ASB18: variants seen among roughly 807,000 people sequenced by gnomAD.
The protein encoded by ASB18 is ankyrin repeat and SOCS box protein 18.
A neutral mutation model predicts 33.4 loss-of-function variants in ASB18; 33 were observed. The observed-to-expected ratio is 0.99, with a 90% confidence interval of 0.75 to 1.32. The LOEUF is 1.32. Ranked by LOEUF, ASB18 falls within the 40% of genes most tolerant of loss-of-function variation. ASB18 has a pLI of 0.00. For synonymous variants in ASB18, 295 were observed against 307.6 expected, an observed-to-expected ratio of 0.96 and a Z score of 0.43; for missense variants, 694 against 655.5, an observed-to-expected ratio of 1.06 and a Z score of -0.64.
chr2:236,255,846 G>A lies in ASB18; in HGVS notation c.205+8295C>T, dbSNP rs751119034. Among the ~76,000 whole-genome samples the A allele has an allele frequency of 8.6e-5, 13 of 151,944 alleles. No homozygotes were observed. The highest frequency in any genetic ancestry group is 1.9e-4 in the African/African-American group (8 of 41,354). ...GTTGTGTCCCACTTCCCTGTCCCAC[G>A]TGCCATGCCTTGGGTGCACTACGTT... On this transcript the variant is annotated intron_variant, in intron 1 of 5. Transcript: ENST00000409749. The surrounding 1 kb of genome is among the most constrained non-coding windows in gnomAD (Gnocchi z 4.4).
chr2:236,249,629 A>T lies in ASB18; in HGVS notation c.206-8227T>A, dbSNP rs1191710325. ...GATTCTGATGAATATAATTTTCTCC[A>T]AGCCAGTACATTTAGTATTTTTAGT... On this transcript the variant is annotated intron_variant, in intron 1 of 5. Transcript: ENST00000409749. The surrounding 1 kb of genome is among the most constrained non-coding windows in gnomAD (Gnocchi z 4.6). The T allele has an allele frequency of 6.6e-6, 1 of 152,160 alleles. No individual in the cohort carries two copies. The highest frequency in any genetic ancestry group is 1.5e-5 in the Non-Finnish European group (1 of 68,036). The allele number at this position is 152,160 out of a possible 1,614,324, so 9.4% of individuals were successfully genotyped here.
rs1412871061 is a variant in ASB18, at chr2:236,239,955, GC to G, written c.328+1324del. On this transcript the variant is annotated intron_variant, in intron 2 of 5. Coordinates refer to ENST00000409749, the MANE Select transcript of ASB18 (RefSeq NM_212556.4). The surrounding 1 kb of genome is among the most constrained non-coding windows in gnomAD (Gnocchi z 5.6). ...TGGGCCACTACTCACTGTCCGGGCT[GC>G]CGTTTCCTCAGTACCAGCCCACATC... Among the ~76,000 whole-genome samples, 3 of 152,190 alleles carry G rather than the reference GC, an allele frequency of 2.0e-5. No individual in the cohort carries two copies. The highest frequency in any genetic ancestry group is 2.9e-5 in the Non-Finnish European group (2 of 68,040).
At chr2:236,199,395 G>C (rs2060388236) in intron 4 of ASB18, among the ~76,000 whole-genome samples, 1 of 144,364 alleles carries the variant, frequency 6.9e-6, no homozygotes, top group African/African-American at 2.7e-5. Flanking sequence ...CTGGGTGACA[G>C]GGTGAGACTC....
At position 236,256,805 on chromosome 2, in the gene ASB18, C is replaced by T. The variant is rs1307772377; in HGVS notation, c.205+7336G>A. On this transcript the variant is annotated intron_variant, in intron 1 of 5. Coordinates refer to ENST00000409749, the MANE Select transcript of ASB18 (RefSeq NM_212556.4). The surrounding 1 kb of genome is among the most constrained non-coding windows in gnomAD (Gnocchi z 4.7). ...ACCCTGTAGGATTTTTTTTCTTGTCCATATGCCTTTGAAGCCGGACCATTA... is the reference window on the plus strand; with the variant it reads ...ACCCTGTAGGATTTTTTTTCTTGTCTATATGCCTTTGAAGCCGGACCATTA... Among the ~76,000 whole-genome samples, 2 of 152,010 alleles carry T rather than the reference C, an allele frequency of 1.3e-5. No homozygotes were observed. The highest frequency in any genetic ancestry group is 2.9e-5 in the Non-Finnish European group (2 of 68,002).
At chr2:236,201,143 C>T (rs1530953) in intron 4 of ASB18, among the ~76,000 whole-genome samples, 25,986 of 149,952 alleles carry the variant, frequency 0.17, 2,248 homozygotes, top group South Asian at 0.25. Context: ...TCCCTCCTTC[C>T]TTCCTTCCTT....
At position 236,260,926 on chromosome 2, in the gene ASB18, G is replaced by A. The variant is rs2060714293; in HGVS notation, c.205+3215C>T. 6.6e-6 allele frequency among the ~76,000 whole-genome samples: 1 copy of A among 152,156 alleles called. No individual in the cohort carries two copies. The highest frequency in any genetic ancestry group is 2.4e-5 in the African/African-American group (1 of 41,426). On this transcript the variant is annotated intron_variant, in intron 1 of 5. Transcript: ENST00000409749. This position sits in a 1 kb window ranked among gnomAD's most constrained non-coding sequence, Gnocchi z 5.1. ...TCAGGAAGCTTGTGGGTCTCTGTGT[G>A]GGAAGCACTAATCTAATCTCATACC... is the stretch of plus-strand genomic sequence containing the variant.
rs535863953 is a variant in ASB18 at position 236,259,929 on chromosome 2, C to T, written c.205+4212G>A. Among the ~76,000 whole-genome samples the T allele has an allele frequency of 2.6e-5, 4 of 152,294 alleles. No homozygotes were observed. In the South Asian group the frequency reaches 6.2e-4, roughly 24 times the overall value. ...CACATGTTCACCTGAGGGACTTCTCCAGAAAAAGCCCTTTCCACCATTGGA... is the reference window on the plus strand; with the variant it reads ...CACATGTTCACCTGAGGGACTTCTCTAGAAAAAGCCCTTTCCACCATTGGA... On this transcript the variant is annotated intron_variant, in intron 1 of 5. Coordinates refer to ENST00000409749, the MANE Select transcript of ASB18 (RefSeq NM_212556.4). The surrounding 1 kb of genome is among the most constrained non-coding windows in gnomAD (Gnocchi z 4.4).
chr2:236,241,180 A>C lies in ASB18; in HGVS notation c.328+100T>G, dbSNP rs1200111585. On this transcript the variant is annotated intron_variant, in intron 2 of 5. Transcript: ENST00000409749. This position sits in a 1 kb window ranked among gnomAD's most constrained non-coding sequence, Gnocchi z 4.2. ...TCCTTTTCTTGTGTACGTTAAACCC[A>C]GTGCCACTGTGCCCAGTCTACACAC... 1.7e-5 allele frequency: 20 copies of C among 1,203,076 alleles called. No individual in the cohort carries two copies. Among genetic ancestry groups the C allele is most frequent in the Non-Finnish European group, 2.3e-5 (19 of 832,224 alleles). The allele number at this position is 1,203,076 out of a possible 1,614,324, so 74.5% of individuals were successfully genotyped here. A position where few individuals can be genotyped will look rare whatever the true frequency, so the allele number is the denominator to read the frequency against.
chr2:236,193,999 C>T lies in ASB18; in HGVS notation c.*873G>A, dbSNP rs2060359463. On this transcript the variant is annotated 3_prime_UTR_variant, in exon 6 of 6. Transcript: ENST00000409749. This position sits in a 1 kb window ranked among gnomAD's most constrained non-coding sequence, Gnocchi z 5.0. Reference sequence around the variant, plus strand: ...CACCCCGTCCAGGCCTGGTTCCTGCCCTGCACACTGAGTTGCTGGGGTGGA... The same window carrying T: ...CACCCCGTCCAGGCCTGGTTCCTGCTCTGCACACTGAGTTGCTGGGGTGGA... 6.6e-6 allele frequency among the ~76,000 whole-genome samples: 1 copy of T among 152,122 alleles called. No homozygotes were observed.
At chr2:236,243,765 CTTTAT>C (rs2060632754) in intron 1 of ASB18, among the ~76,000 whole-genome samples, 2 of 151,970 alleles carry the variant, frequency 1.3e-5, no homozygotes, top group Non-Finnish European at 1.5e-5. Flanking sequence ...TGGTTCAGGG[CTTTAT>C]TTTATTGTCA....
intron 3 of ASB18, among the ~76,000 whole-genome samples, chr2:236,232,801 T>A (rs530052154): frequency 6.6e-6 from 1 of 152,178 alleles, no homozygotes; most frequent in African/African-American, 2.4e-5. Flanking sequence ...GTTAAAAACC[T>A]TATTACAAAA....
At chr2:236,199,411 CA>C (rs368012989) in intron 4 of ASB18, among the ~76,000 whole-genome samples, 85 of 113,132 alleles carry the variant, frequency 7.5e-4, no homozygotes, top group Non-Finnish European at 1.2e-3. Context: ...GACTCTGTTT[CA>C]AAAAAAAAAA....
Position 236,225,483 on chromosome 2 carries a change from AAATT to A in ASB18, c.597-10621_597-10618del, listed in dbSNP as rs2060532742. On this transcript the variant is annotated intron_variant, in intron 3 of 5. Coordinates refer to ENST00000409749, the MANE Select transcript of ASB18 (RefSeq NM_212556.4). The surrounding 1 kb of genome is among the most constrained non-coding windows in gnomAD (Gnocchi z 5.1). The stretch of plus-strand genomic sequence containing the variant: ...GTAAACTTGCATGCTTTTCATTAAT[AAATT>A]CCGTGAGGAAAGCAAGTCATTCTCA... 6.6e-6 allele frequency among the ~76,000 whole-genome samples: 1 copy of A among 152,218 alleles called. No individual in the cohort carries two copies. The highest frequency in any genetic ancestry group is 1.5e-5 in the Non-Finnish European group (1 of 68,044).
rs1238090461 is a variant in ASB18 at position 236,248,108 on chromosome 2, CT to C, written c.206-6707del. ...AAAGATGGAAACAGTGCGAGTCTTT[CT>C]TTAGGAAACTCTGGCTAAATAATGT... is the stretch of plus-strand genomic sequence containing the variant. On this transcript the variant is annotated intron_variant, in intron 1 of 5. Coordinates refer to ENST00000409749, the MANE Select transcript of ASB18 (RefSeq NM_212556.4). This position sits in a 1 kb window ranked among gnomAD's most constrained non-coding sequence, Gnocchi z 4.9. 6.6e-6 allele frequency: 1 copy of C among 152,194 alleles called. No homozygotes were observed. The highest frequency in any genetic ancestry group is 1.9e-4 in the East Asian group (1 of 5,196). The allele number at this position is 152,194 out of a possible 1,614,324, so 9.4% of individuals were successfully genotyped here.
At chr2:236,254,909 C>T (rs957004168) in intron 1 of ASB18, among the ~76,000 whole-genome samples, 2 of 152,054 alleles carry the variant, frequency 1.3e-5, no homozygotes, top group Non-Finnish European at 2.9e-5. Context: ...TCCTGCCATC[C>T]GCTTGGTGCT....
intron 3 of ASB18, among the ~76,000 whole-genome samples, chr2:236,230,912 A>G (rs2106275762): frequency 6.6e-6 from 1 of 152,082 alleles, no homozygotes; most frequent in South Asian, 2.1e-4. Flanking sequence ...GTTAAAAAAC[A>G]GAGACTGTCA....
At position 236,195,158 on chromosome 2, in the gene ASB18, GCTAA is replaced by G. The variant is rs1408400295; in HGVS notation, c.1216-105_1216-102del. ...GATGGTACAAGCGGGCTTTTCTATG[GCTAA>G]CTGATCCCAGATAAGCGCACTGGAG... is the stretch of plus-strand genomic sequence containing the variant. On this transcript the variant is annotated intron_variant, in intron 5 of 5. Transcript: ENST00000409749. This position sits in a 1 kb window ranked among gnomAD's most constrained non-coding sequence, Gnocchi z 5.5. 1 of 1,099,288 alleles carries G rather than the reference GCTAA, an allele frequency of 9.1e-7. No homozygotes were observed. 68.1% of individuals were successfully genotyped at this position (1,099,288 alleles called of 1,614,324 possible). A position where few individuals can be genotyped will look rare whatever the true frequency, so the allele number is the denominator to read the frequency against.
At position 236,200,375 on chromosome 2, in the gene ASB18, A is replaced by G. The variant is rs1187288823; in HGVS notation, c.1102-3990T>C. On this transcript the variant is annotated intron_variant, in intron 4 of 5. Transcript: ENST00000409749. The surrounding 1 kb of genome is among the most constrained non-coding windows in gnomAD (Gnocchi z 4.2). ...AAAAAAAAGAGATGGCGAGTTCGAT[A>G]TGGGATCATTCCAGAAGTGTTTATT... Among the ~76,000 whole-genome samples the G allele has an allele frequency of 2.6e-5, 4 of 152,140 alleles. No homozygotes were observed. In the East Asian group the frequency reaches 7.7e-4, roughly 29 times the overall value.
chr2:236,196,413 G>T lies in ASB18; in HGVS notation c.1102-28C>A, dbSNP rs576374677. On this transcript the variant is annotated intron_variant, in intron 4 of 5. Transcript: ENST00000409749. This position sits in a 1 kb window ranked among gnomAD's most constrained non-coding sequence, Gnocchi z 5.6. ...GGTGGGAAGAGGTGAAAGACGCAGC[G>T]TAGGCCGACTGGGTTCTGGGTCTCA... The T allele has an allele frequency of 3.1e-6, 4 of 1,307,500 alleles. No individual in the cohort carries two copies. The South Asian group carries it at 3.8e-5, about 12-fold the overall frequency. 81.0% of individuals were successfully genotyped at this position (1,307,500 alleles called of 1,614,324 possible).
Sources: allele counts gnomAD v4.1 joint callset (sites outside exome capture counted in the v4.1 genomes callset), GRCh38; gene constraint gnomAD v4.1.1; non-coding constraint Gnocchi (gnomAD v3.1); transcripts MANE v1.5; gene names NCBI Gene and HGNC (gene_info 2026-07-23, HGNC 2026-07-21).